The following LHX6 variants were observed in gnomAD, a reference collection of about 807,000 sequenced individuals.
LHX6 encodes LIM/homeobox protein Lhx6.
A neutral mutation model predicts 47.1 loss-of-function variants in LHX6; 15 were observed. That is an observed-to-expected ratio of 0.32 (90% CI 0.21 to 0.49). The LOEUF is 0.49. Ranked by LOEUF, LHX6 falls within the 20% of genes least tolerant of loss-of-function variation. LHX6 has a pLI of 0.99. For synonymous variants in LHX6, 242 were observed against 233.5 expected, an observed-to-expected ratio of 1.04 and a Z score of -0.33; for missense variants, 404 against 539.6, an observed-to-expected ratio of 0.75 and a Z score of 2.49.
chr9:122,216,841 C>T (rs2118867163), intron 5 of LHX6, among the ~76,000 whole-genome samples: 1 of 152,310 alleles, frequency 6.6e-6, no homozygotes, highest in East Asian at 1.9e-4. Context: ...CGCCATTTTA[C>T]TGATAAGGAA....
chr9:122,210,158 T>C (rs1830348526), intron 8 of LHX6, among the ~76,000 whole-genome samples: 4 of 152,178 alleles, frequency 2.6e-5, no homozygotes, highest in Admixed American at 2.6e-4. Context: ...GACCTCATGA[T>C]CTGCCCGCCT....
rs146939658 is a variant in LHX6 at position 122,206,107 on chromosome 9, A to G, written c.1159-1327T>C. The stretch of plus-strand genomic sequence containing the variant: ...GACAGCTTAGCCCTGATTTCTAAGA[A>G]CTTTCCAAGTGTTGGATTTGTGGGA... On this transcript the variant is annotated intron_variant, in intron 9 of 9. Coordinates refer to ENST00000394319, the MANE Select transcript of LHX6 (RefSeq NM_014368.5). Among the ~76,000 whole-genome samples the G allele has an allele frequency of 7.9e-5, 12 of 152,286 alleles. 1 individual carries two copies. In the East Asian group the frequency reaches 2.3e-3, roughly 29 times the overall value.
chr9:122,211,221 T>C (rs1457145762), intron 8 of LHX6, among the ~76,000 whole-genome samples: 1 of 152,194 alleles, frequency 6.6e-6, no homozygotes, highest in East Asian at 1.9e-4. Context: ...CACTTACAAC[T>C]GATATATAAA....
At position 122,209,743 on chromosome 9, in the gene LHX6, C is replaced by A. The variant is rs776142438; in HGVS notation, c.1055-26G>T. 6.4e-5 allele frequency: 50 copies of A among 784,034 alleles called. 1 individual carries two copies. Among genetic ancestry groups the A allele is most frequent in the Non-Finnish European group, 1.1e-4 (47 of 426,566 alleles). 48.6% of individuals were successfully genotyped at this position (784,034 alleles called of 1,614,324 possible). ...CTGTGGACGAGAGGATGCCTTGGAG[C>A]TCATCCCCCAGGCTGCACACAGGAT... On this transcript the variant is annotated intron_variant, in intron 8 of 9. Transcript: ENST00000394319.
chr9:122,224,486 T>TACACAC (rs539712712), intron 4 of LHX6, among the ~76,000 whole-genome samples: 11 of 150,288 alleles, frequency 7.3e-5, no homozygotes, highest in African/African-American at 2.0e-4. Context: ...CCTGTCTGAC[T>TACACAC]ACACACACAC....
chr9:122,220,429 G>A (rs1830797719), intron 4 of LHX6, among the ~76,000 whole-genome samples: 1 of 152,212 alleles, frequency 6.6e-6, no homozygotes, highest in African/African-American at 2.4e-5. Context: ...ACAGGAGTCA[G>A]CAGCACGAAG....
At chr9:122,227,966 C>CCCCCCCCCCCCCCT in intron 1 of LHX6, 1 of 182,276 alleles carries the variant, frequency 5.5e-6, no homozygotes, top group Non-Finnish European at 1.1e-5. Context: ...GCCCCCCCAC[C>CCCCCCCCCCCCCCT]CCACTCCCCT....
At chr9:122,218,209 G>A (rs927041120) in intron 4 of LHX6, among the ~76,000 whole-genome samples, 1 of 152,072 alleles carries the variant, frequency 6.6e-6, no homozygotes, top group African/African-American at 2.4e-5. Context: ...CTCCATCCCA[G>A]AAGTCAGCCC....
Position 122,228,688 on chromosome 9 carries a change from A to G in LHX6, c.53T>C (p.Leu18Pro). 1 of 1,291,108 alleles carries G rather than the reference A, an allele frequency of 7.7e-7. No individual in the cohort carries two copies. Among genetic ancestry groups the G allele is most frequent in the Non-Finnish European group, 9.8e-7 (1 of 1,020,170 alleles). The allele number at this position is 1,291,108 out of a possible 1,614,324, so 80.0% of individuals were successfully genotyped here. ...AAPALPEGCR[L>P]PAEGGPATDQ... ...GGTGGCGGGGCCGCCCTCGGCCGGC[A>G]GCCGGCAGCCCTCGGGCAACGCCGG... Residue 18 changes from leucine to proline, a missense_variant, in exon 1 of 10, where the codon CTG (leucine) becomes CCG (proline). This residue lies in a region of LHX6 where 144 missense variants were observed against 128.7 expected (regional missense o/e 1.12). Transcript: ENST00000394319.
At chr9:122,210,952 A>C (rs1331251101) in intron 8 of LHX6, among the ~76,000 whole-genome samples, 1 of 152,112 alleles carries the variant, frequency 6.6e-6, no homozygotes, top group Non-Finnish European at 1.5e-5. Flanking sequence ...AATTTTTTGT[A>C]TGTTTTCTAG....
rs114261138 is a variant in LHX6 at position 122,221,757 on chromosome 9, G to A, written c.462-4469C>T. ...CCACACATCAGAAAACACAGCGGGCGTGCCAACCAAACTGGGCAGGGACTC... is the reference window on the plus strand; with the variant it reads ...CCACACATCAGAAAACACAGCGGGCATGCCAACCAAACTGGGCAGGGACTC... On this transcript the variant is annotated intron_variant, in intron 4 of 9. Transcript: ENST00000394319. The A allele has an allele frequency of 1.3e-3, 1,268 of 984,902 alleles. 12 individuals carry two copies. The African/African-American group carries it at 0.02, about 16-fold the overall frequency. 61.0% of individuals were successfully genotyped at this position (984,902 alleles called of 1,614,324 possible).
At position 122,217,933 on chromosome 9, in the gene LHX6, C is replaced by T. The variant is rs990043793; in HGVS notation, c.462-645G>A. Among the ~76,000 whole-genome samples, 8 of 152,240 alleles carry T rather than the reference C, an allele frequency of 5.3e-5. No homozygotes were observed. Among genetic ancestry groups the T allele is most frequent in the African/African-American group, 1.9e-4 (8 of 41,472 alleles). On this transcript the variant is annotated intron_variant, in intron 4 of 9. Transcript: ENST00000394319. This position sits in a 1 kb window ranked among gnomAD's most constrained non-coding sequence, Gnocchi z 4.9. ...CTGAACTAGATGACAACAGCAATGA[C>T]TACTACTGTTTGTTTAGTGCTTTGC...
chr9:122,222,277 G>C (rs562717302), intron 4 of LHX6, among the ~76,000 whole-genome samples: 5 of 152,328 alleles, frequency 3.3e-5, no homozygotes, highest in Admixed American at 3.3e-4. Context: ...CGGTAGCAGG[G>C]GAAATGTGAA....
chr9:122,210,157 A>T (rs1809073372), intron 8 of LHX6, among the ~76,000 whole-genome samples: 1 of 152,142 alleles, frequency 6.6e-6, no homozygotes, highest in African/African-American at 2.4e-5. Context: ...TGACCTCATG[A>T]TCTGCCCGCC....
chr9:122,219,599 C>A (rs1830748307), intron 4 of LHX6, among the ~76,000 whole-genome samples: 1 of 152,164 alleles, frequency 6.6e-6, no homozygotes. Context: ...CCCAGCCGCG[C>A]GTAGAGACCT....
At chr9:122,209,488 G>C in intron 9 of LHX6, 126 bp downstream of exon 9, 1 of 1,428,510 alleles carries the variant, frequency 7.0e-7, no homozygotes, top group Non-Finnish European at 9.5e-7. Context: ...GGGGGTCTCA[G>C]CAGGCCGGGC....
Position 122,213,645 on chromosome 9 carries a change from CGGGGCT to C in LHX6, c.1009_1014del (p.Ser337_Pro338del). Reference sequence around the variant, plus strand: ...TGCAGGGTGACCATGCGCGCCCGCTCGGGGCTGCTGAACGGGGTGTAGTGGATGTCG... The same window carrying C: ...TGCAGGGTGACCATGCGCGCCCGCTCGCTGAACGGGGTGTAGTGGATGTCG... On this transcript the variant is annotated inframe_deletion, in exon 8 of 10. Transcript: ENST00000394319. This position sits in a 1 kb window ranked among gnomAD's most constrained non-coding sequence, Gnocchi z 5.5. 6.2e-7 allele frequency: 1 copy of C among 1,608,910 alleles called. No homozygotes were observed. Among genetic ancestry groups the C allele is most frequent in the South Asian group, 1.1e-5 (1 of 90,942 alleles).
chr9:122,217,881 C>CT lies in LHX6; in HGVS notation c.462-594dup, dbSNP rs543553979. On this transcript the variant is annotated intron_variant, in intron 4 of 9. Transcript: ENST00000394319. This position sits in a 1 kb window ranked among gnomAD's most constrained non-coding sequence, Gnocchi z 4.9. Reference sequence around the variant, plus strand: ...GTGACACTAGGCAAACTGTTTAACTCTGAGTTCTCGTTTTCCTTGTCCTGC... The same window carrying CT: ...GTGACACTAGGCAAACTGTTTAACTCTTGAGTTCTCGTTTTCCTTGTCCTGC... 1.2e-4 allele frequency among the ~76,000 whole-genome samples: 19 copies of CT among 152,292 alleles called. No individual in the cohort carries two copies. The highest frequency in any genetic ancestry group is 4.6e-4 in the African/African-American group (19 of 41,550).
Position 122,227,463 on chromosome 9 carries a change from C to G in LHX6, c.102G>C (p.Gly34=). The G allele has an allele frequency of 6.6e-7, 1 of 1,526,164 alleles. No individual in the cohort carries two copies. The highest frequency in any genetic ancestry group is 8.8e-7 in the Non-Finnish European group (1 of 1,140,498). The allele number at this position is 1,526,164 out of a possible 1,614,324, so 94.5% of individuals were successfully genotyped here. A position where few individuals can be genotyped will look rare whatever the true frequency, so the allele number is the denominator to read the frequency against. ...AGCGGGTGGTCGCTTTGCAGCCGGA[C>G]CCTGGCTGGGCCATCACCTGGGGGA... ...PATDQVMAQP[G]SGCKATTRCL... is the part of the protein sequence containing the mutation. Residue 34 remains glycine (G), a synonymous_variant, in exon 2 of 10, where the codon GGG becomes GGC. Transcript: ENST00000394319.
Sources: allele counts gnomAD v4.1 joint callset (sites outside exome capture counted in the v4.1 genomes callset), GRCh38; gene constraint gnomAD v4.1.1; regional missense constraint gnomAD v4.1.1; non-coding constraint Gnocchi (gnomAD v3.1); transcripts MANE v1.5; gene names NCBI Gene and HGNC (gene_info 2026-07-23, HGNC 2026-07-21).